CPA6: variants seen among roughly 807,000 people sequenced by gnomAD.
CPA6 encodes carboxypeptidase A6.
In CPA6, 58 loss-of-function variants were observed where a neutral mutation model predicts 63.3. That is an observed-to-expected ratio of 0.92 (90% CI 0.74 to 1.14). The LOEUF is 1.14. Among genes scored for constraint, CPA6 ranks in the 50% most tolerant of loss-of-function variants. The pLI is 0.00. For synonymous variants in CPA6, 185 were observed against 179.0 expected (o/e 1.03, Z -0.27); for missense variants, 565 against 526.6 (o/e 1.07, Z -0.71).
intron 1 of CPA6, among the ~76,000 whole-genome samples, chr8:67,689,053 C>T (rs993821391): frequency 6.6e-6 from 1 of 151,956 alleles, no homozygotes; most frequent in African/African-American, 2.4e-5. Flanking sequence ...AACCTCGGCT[C>T]ACTCTAACCT....
chr8:67,518,860 C>T (rs935174501), intron 2 of CPA6, among the ~76,000 whole-genome samples: 4 of 152,118 alleles, frequency 2.6e-5, no homozygotes, highest in African/African-American at 9.7e-5. Context: ...ACATGCCTTT[C>T]TCCAATTCCT....
intron 8 of CPA6, among the ~76,000 whole-genome samples, chr8:67,435,728 C>T (rs1810137058): frequency 6.6e-6 from 1 of 152,062 alleles, no homozygotes. Flanking sequence ...TCAGATGAAG[C>T]AGTGCCAGAG....
At chr8:67,673,646 C>A (rs1816404113) in intron 1 of CPA6, among the ~76,000 whole-genome samples, 1 of 151,694 alleles carries the variant, frequency 6.6e-6, no homozygotes, top group Non-Finnish European at 1.5e-5. Context: ...CCCACCTCGG[C>A]CTCCCAAAGT....
rs948778476 is a variant in CPA6, at chr8:67,516,882, T to C, written c.317+1041A>G. On this transcript the variant is annotated intron_variant, in intron 3 of 10. Coordinates refer to ENST00000297770, the MANE Select transcript of CPA6 (RefSeq NM_020361.5). ...CGCGATCTCAGCTCACTGTAACCTCTGCCTCCGGGGTTCAAGTGATTCTTC... is the reference window on the plus strand; with the variant it reads ...CGCGATCTCAGCTCACTGTAACCTCCGCCTCCGGGGTTCAAGTGATTCTTC... Among the ~76,000 whole-genome samples, 6 of 152,096 alleles carry C rather than the reference T, an allele frequency of 3.9e-5. No individual in the cohort carries two copies. The East Asian group carries it at 1.2e-3, about 29-fold the overall frequency.
chr8:67,584,012 T>G (rs1871828), intron 2 of CPA6, among the ~76,000 whole-genome samples: 88,172 of 151,802 alleles, frequency 0.58, 27,932 homozygotes, highest in African/African-American at 0.84. Flanking sequence ...AAAAAAACTT[T>G]CTGGGCATGG....
At chr8:67,549,270 G>A (rs1812888534) in intron 2 of CPA6, among the ~76,000 whole-genome samples, 2 of 152,062 alleles carry the variant, frequency 1.3e-5, no homozygotes, top group Admixed American at 6.6e-5. Flanking sequence ...GAGAAGAGGA[G>A]GGAGCAAGAC....
intron 1 of CPA6, among the ~76,000 whole-genome samples, chr8:67,635,018 C>T (rs1337610136): frequency 6.6e-6 from 1 of 151,356 alleles, no homozygotes; most frequent in East Asian, 1.9e-4. Context: ...TCCCAGGTAG[C>T]TAGAACAACA....
At chr8:67,590,258 A>C (rs1376097101) in intron 2 of CPA6, among the ~76,000 whole-genome samples, 1 of 150,984 alleles carries the variant, frequency 6.6e-6, no homozygotes, top group Non-Finnish European at 1.5e-5. Flanking sequence ...CATGGTGTAT[A>C]TGTGCCACAT....
intron 8 of CPA6, among the ~76,000 whole-genome samples, chr8:67,459,843 T>C (rs1271589582): frequency 6.6e-6 from 1 of 152,214 alleles, no homozygotes; most frequent in African/African-American, 2.4e-5. Flanking sequence ...TGGGTAATGA[T>C]GTGTTAGTAT....
intron 1 of CPA6, among the ~76,000 whole-genome samples, chr8:67,690,080 G>A (rs1186415178): frequency 1.3e-5 from 2 of 152,104 alleles, no homozygotes; most frequent in African/African-American, 2.4e-5. Context: ...CTTCTTTAGA[G>A]AAATGTCTGT....
chr8:67,661,675 A>T (rs962702794), intron 1 of CPA6, among the ~76,000 whole-genome samples: 2 of 152,216 alleles, frequency 1.3e-5, no homozygotes, highest in Non-Finnish European at 1.5e-5. Flanking sequence ...GAGTCAAGTC[A>T]GTTCCACAGC....
At chr8:67,621,674 A>T (rs1026958736) in intron 2 of CPA6, among the ~76,000 whole-genome samples, 1 of 152,230 alleles carries the variant, frequency 6.6e-6, no homozygotes, top group African/African-American at 2.4e-5. Flanking sequence ...TGTGGCTGAG[A>T]GGAGCTGGAT....
chr8:67,552,123 C>G (rs924741), intron 2 of CPA6, among the ~76,000 whole-genome samples: 114,616 of 152,192 alleles, frequency 0.75, 43,525 homozygotes, highest in Non-Finnish European at 0.8. Flanking sequence ...AAACAAACAT[C>G]GTCATGGAGT....
intron 1 of CPA6, among the ~76,000 whole-genome samples, chr8:67,629,109 A>G (rs895992718): frequency 9.2e-5 from 14 of 151,944 alleles, no homozygotes; most frequent in African/African-American, 3.4e-4. Flanking sequence ...GTGAGACTCC[A>G]TCTCGAAACA....
intron 1 of CPA6, among the ~76,000 whole-genome samples, chr8:67,646,152 C>T (rs1843156): frequency 0.22 from 33,175 of 152,118 alleles, 3,720 homozygotes; most frequent in Middle Eastern, 0.31. Flanking sequence ...GTGACAAACA[C>T]CATGAGAATG....
intron 6 of CPA6, among the ~76,000 whole-genome samples, chr8:67,495,725 T>TCTGGAGTG (rs2128962955): frequency 6.6e-6 from 1 of 152,274 alleles, no homozygotes; most frequent in African/African-American, 2.4e-5. Flanking sequence ...TCTCACTCTG[T>TCTGGAGTG]CACCCAGGCT....
intron 6 of CPA6, among the ~76,000 whole-genome samples, chr8:67,497,945 A>G (rs960260588): frequency 6.6e-6 from 1 of 151,982 alleles, no homozygotes; most frequent in Non-Finnish European, 1.5e-5. Context: ...ATTCCGCCTC[A>G]GGTGTGAGCC....
intron 2 of CPA6, among the ~76,000 whole-genome samples, chr8:67,557,705 G>A (rs1813097366): frequency 6.6e-6 from 1 of 152,184 alleles, no homozygotes; most frequent in African/African-American, 2.4e-5. Flanking sequence ...CTCCATAGGA[G>A]TCTTCCTGCA....
chr8:67,525,362 T>C (rs1340306263), intron 2 of CPA6, among the ~76,000 whole-genome samples: 1 of 152,104 alleles, frequency 6.6e-6, no homozygotes, highest in Non-Finnish European at 1.5e-5. Flanking sequence ...GGCGTTGAAA[T>C]AATAATAAAA....
Sources: allele counts gnomAD v4.1 joint callset (sites outside exome capture counted in the v4.1 genomes callset), GRCh38; gene constraint gnomAD v4.1.1; transcripts MANE v1.5; gene names NCBI Gene and HGNC (gene_info 2026-07-23, HGNC 2026-07-21).